PTPRD: variants seen among roughly 807,000 people sequenced by gnomAD.
The protein encoded by PTPRD is receptor-type tyrosine-protein phosphatase delta.
PTPRD carries 34 observed loss-of-function variants against 214.5 expected under a neutral mutation model. The observed-to-expected ratio is 0.16, with a 90% CI of 0.12 to 0.21. The LOEUF is 0.21. PTPRD is among the 10% of genes least tolerant of loss of function. The pLI, the probability that PTPRD is intolerant of heterozygous loss-of-function variation, is 1.00. For missense variants in PTPRD, 2,545 were observed against 2,398.7 expected (o/e 1.06, Z -1.27); for synonymous variants, 1,128 against 845.7 (o/e 1.33, Z -5.79).
chr9:9,962,560 C>T (rs937386577), intron 4 of PTPRD, among the ~76,000 whole-genome samples: 1 of 152,110 alleles, frequency 6.6e-6, no homozygotes, highest in Non-Finnish European at 1.5e-5. Flanking sequence ...AAAATTGCCT[C>T]TGTAAACTCC....
At chr9:9,085,617 C>T (rs901032374) in intron 10 of PTPRD, among the ~76,000 whole-genome samples, 3 of 151,394 alleles carry the variant, frequency 2.0e-5, no homozygotes, top group Non-Finnish European at 2.9e-5. Context: ...GAGCCAAGGA[C>T]ATTTTTAAAA....
chr9:9,905,036 C>G (rs768066981), intron 5 of PTPRD, among the ~76,000 whole-genome samples: 9 of 151,954 alleles, frequency 5.9e-5, no homozygotes, highest in Admixed American at 1.3e-4. Flanking sequence ...TATCAGTGTT[C>G]TGTTTAATAT....
intron 3 of PTPRD, among the ~76,000 whole-genome samples, chr9:10,143,225 G>A (rs1317201565): frequency 2.0e-5 from 3 of 151,954 alleles, no homozygotes; most frequent in African/African-American, 7.3e-5. Flanking sequence ...GTATACATAT[G>A]TAACTAATCT....
chr9:10,175,328 T>G (rs192495119), intron 3 of PTPRD, among the ~76,000 whole-genome samples: 21 of 152,192 alleles, frequency 1.4e-4, no homozygotes, highest in African/African-American at 4.8e-4. Context: ...AGAAAAAGCA[T>G]CTGGCTTACC....
rs566516150 is a variant in PTPRD at position 8,966,459 on chromosome 9, A to C, written c.-104+52238T>G. Among the ~76,000 whole-genome samples the C allele has an allele frequency of 3.3e-5, 5 of 152,148 alleles. 1 individual carries two copies. In the South Asian group the frequency reaches 1.0e-3, roughly 32 times the overall value. ...ACAAAAAACAGAAATAAAGTCACAC[A>C]CCTACATCCATCTGATATTCGACAA... On this transcript the variant is annotated intron_variant, in intron 11 of 45. Coordinates refer to ENST00000381196, the MANE Select transcript of PTPRD (RefSeq NM_002839.4).
chr9:9,404,215 T>A (rs1467703559), intron 8 of PTPRD, among the ~76,000 whole-genome samples: 1 of 151,990 alleles, frequency 6.6e-6, no homozygotes, highest in Non-Finnish European at 1.5e-5. Flanking sequence ...TTGGAGGGTT[T>A]TAAGAAGTTG....
At chr9:8,590,779 T>A (rs1457229184) in intron 14 of PTPRD, among the ~76,000 whole-genome samples, 1 of 152,190 alleles carries the variant, frequency 6.6e-6, no homozygotes, top group Non-Finnish European at 1.5e-5. Flanking sequence ...AACAGAATAG[T>A]TCTGTCTAAA....
intron 11 of PTPRD, among the ~76,000 whole-genome samples, chr9:8,735,978 G>A (rs899536765): frequency 1.8e-4 from 27 of 151,488 alleles, no homozygotes; most frequent in African/African-American, 1.9e-4. Flanking sequence ...CTTGGATGGC[G>A]ATCTAAGTCA....
intron 12 of PTPRD, among the ~76,000 whole-genome samples, chr9:8,714,128 A>G (rs986525613): frequency 6.6e-6 from 1 of 152,190 alleles, no homozygotes; most frequent in Non-Finnish European, 1.5e-5. Flanking sequence ...TCACAAACCT[A>G]AAGAGATGAT....
intron 23 of PTPRD, among the ~76,000 whole-genome samples, chr9:8,503,116 T>G (rs1221257493): frequency 6.6e-6 from 1 of 152,028 alleles, no homozygotes; most frequent in Non-Finnish European, 1.5e-5. Flanking sequence ...ATCCTAATCA[T>G]TTTCATGTGA....
chr9:8,512,052 T>C (rs905432369), intron 21 of PTPRD, among the ~76,000 whole-genome samples: 4 of 152,100 alleles, frequency 2.6e-5, no homozygotes, highest in African/African-American at 9.7e-5. Flanking sequence ...TAAACAACAG[T>C]TTCATCTTGC....
intron 3 of PTPRD, among the ~76,000 whole-genome samples, chr9:10,098,990 G>A (rs1309700943): frequency 2.0e-5 from 3 of 151,688 alleles, no homozygotes; most frequent in African/African-American, 4.8e-5. Context: ...AGAACAATGG[G>A]TGTACCCTCT....
At chr9:9,988,629 A>G (rs2095802851) in intron 4 of PTPRD, among the ~76,000 whole-genome samples, 1 of 152,146 alleles carries the variant, frequency 6.6e-6, no homozygotes, top group Non-Finnish European at 1.5e-5. Context: ...GTAAAGTAAA[A>G]TAGCCCAAAT....
chr9:8,713,419 C>A (rs529509456), intron 12 of PTPRD: 4 of 1,102,692 alleles, frequency 3.6e-6, no homozygotes, highest in African/African-American at 1.5e-5. Context: ...TGCACCTAAT[C>A]GTGTCGTCGC....
At chr9:8,319,316 T>TATTA (rs1355846384) in intron 45 of PTPRD, among the ~76,000 whole-genome samples, 1 of 152,078 alleles carries the variant, frequency 6.6e-6, no homozygotes, top group Non-Finnish European at 1.5e-5. Context: ...CAAATTTCCA[T>TATTA]ATTAATTATT....
intron 5 of PTPRD, among the ~76,000 whole-genome samples, chr9:9,776,721 A>C (rs1342355475): frequency 1.3e-5 from 2 of 152,234 alleles, no homozygotes; most frequent in Non-Finnish European, 2.9e-5. Flanking sequence ...CTTTTCCTTT[A>C]CTTTAAAATT....
chr9:10,363,991 G>GTTTTTGTTTTTTTTTTTTTTTT (rs1555222212), intron 2 of PTPRD, among the ~76,000 whole-genome samples: 1 of 35,132 alleles, frequency 2.8e-5, no homozygotes, highest in African/African-American at 1.2e-4. Context: ...ACATTTTCGG[G>GTTTTTGTTTTTTTTTTTTTTTT]TTTTTTTTTT....
intron 3 of PTPRD, among the ~76,000 whole-genome samples, chr9:10,269,531 G>C (rs1397176622): frequency 6.6e-6 from 1 of 152,130 alleles, no homozygotes; most frequent in Non-Finnish European, 1.5e-5. Context: ...TAAGAAAAGA[G>C]AGGGTGCTCT....
In PTPRD at chr9:9,316,837, G is replaced by A. The variant is rs1193275479; in HGVS notation, c.-203+80612C>T. Among the ~76,000 whole-genome samples the A allele has an allele frequency of 3.3e-5, 5 of 152,216 alleles. No homozygotes were observed. The East Asian group carries it at 9.7e-4, about 29-fold the overall frequency. Reference sequence around the variant, plus strand: ...TGGGACTACGTGGTAATTCTTTTATGAGTCTTCAGTGAATGATCTGTGATT... The same window carrying A: ...TGGGACTACGTGGTAATTCTTTTATAAGTCTTCAGTGAATGATCTGTGATT... On this transcript the variant is annotated intron_variant, in intron 9 of 45. Transcript: ENST00000381196.
Sources: allele counts gnomAD v4.1 joint callset (sites outside exome capture counted in the v4.1 genomes callset), GRCh38; gene constraint gnomAD v4.1.1; transcripts MANE v1.5; gene names NCBI Gene and HGNC (gene_info 2026-07-23, HGNC 2026-07-21).